The following TFCP2 variants were observed in gnomAD, a reference collection of about 807,000 sequenced individuals.
TFCP2 encodes the protein transcription factor CP2.
In TFCP2, 33 loss-of-function variants were observed where a neutral mutation model predicts 73.4. The ratio of observed to expected loss-of-function variants is 0.45; its 90% CI spans 0.34 to 0.60. The LOEUF is 0.60. Among genes scored for constraint, TFCP2 ranks in the 20% least tolerant of loss-of-function variants. TFCP2 has a pLI of 0.01. For synonymous variants in TFCP2, 193 were observed against 211.6 expected, an observed-to-expected ratio of 0.91 and a Z score of 0.76; for missense variants, 352 against 604.0, an observed-to-expected ratio of 0.58 and a Z score of 4.37.
chr12:51,111,778 T>C (rs1371772527), intron 4 of TFCP2, among the ~76,000 whole-genome samples: 2 of 151,648 alleles, frequency 1.3e-5, no homozygotes, highest in Non-Finnish European at 2.9e-5. Context: ...TGCTTGAACC[T>C]GGGAGGTGGA....
intron 2 of TFCP2, 96 bp from the exon 3 acceptor site, chr12:51,117,843 T>C: frequency 2.8e-6 from 2 of 719,226 alleles, no homozygotes; most frequent in South Asian, 3.7e-5. Context: ...TACAACAGTA[T>C]AATAATATTA....
At chr12:51,109,603 T>C (rs548317996) in intron 5 of TFCP2, among the ~76,000 whole-genome samples, 9 of 152,274 alleles carry the variant, frequency 5.9e-5, no homozygotes, top group Middle Eastern at 3.4e-3. Flanking sequence ...TTAAGGAAGA[T>C]TGTAGAAAGA....
At chr12:51,138,739 A>G (rs1415667496) in intron 1 of TFCP2, among the ~76,000 whole-genome samples, 1 of 152,034 alleles carries the variant, frequency 6.6e-6, no homozygotes, top group East Asian at 1.9e-4. Flanking sequence ...CCCGGGTCCA[A>G]GCGATTCTCC....
intron 1 of TFCP2, among the ~76,000 whole-genome samples, chr12:51,119,157 G>A (rs1940600655): frequency 6.6e-6 from 1 of 152,048 alleles, no homozygotes; most frequent in African/African-American, 2.4e-5. Context: ...TTTACTATAA[G>A]GACTAAAATA....
Position 51,103,653 on chromosome 12 carries a change from GAAAAAGAAAATTT to G in TFCP2, c.1060+4_1060+16del. Reference sequence around the variant, plus strand: ...AAATTTCATGCTAGGGAAAACAAAAGAAAAAGAAAATTTAACCTGAGAAGTTTGTGAAAAGCCT... The same window carrying G: ...AAATTTCATGCTAGGGAAAACAAAAGAACCTGAGAAGTTTGTGAAAAGCCT... On this transcript the variant is annotated splice_donor_5th_base_variant and intron_variant, in intron 10 of 14. Coordinates refer to ENST00000257915, the MANE Select transcript of TFCP2 (RefSeq NM_005653.5). The G allele has an allele frequency of 6.2e-7, 1 of 1,606,618 alleles. No individual in the cohort carries two copies. The highest frequency in any genetic ancestry group is 1.1e-5 in the South Asian group (1 of 90,004).
intron 8 of TFCP2, among the ~76,000 whole-genome samples, chr12:51,104,805 G>A (rs891454970): frequency 2.0e-5 from 3 of 150,828 alleles, no homozygotes; most frequent in South Asian, 2.1e-4. Flanking sequence ...TCTGCCTCCC[G>A]GGTTCATGCC....
intron 1 of TFCP2, among the ~76,000 whole-genome samples, chr12:51,141,228 G>A (rs575305424): frequency 3.3e-5 from 5 of 151,136 alleles, no homozygotes; most frequent in Non-Finnish European, 7.4e-5. Flanking sequence ...AGGGGGAAGT[G>A]GGGGAAGAAC....
chr12:51,100,544 G>A (rs375759890), intron 11 of TFCP2, among the ~76,000 whole-genome samples: 2 of 152,162 alleles, frequency 1.3e-5, no homozygotes, highest in African/African-American at 2.4e-5. Context: ...GACCAGGCAC[G>A]GTGGCTCACA....
intron 11 of TFCP2, among the ~76,000 whole-genome samples, chr12:51,100,558 G>A (rs1453351117): frequency 6.6e-6 from 1 of 152,212 alleles, no homozygotes; most frequent in Non-Finnish European, 1.5e-5. Flanking sequence ...GCTCACATCT[G>A]TAATCCCAGC....
intron 1 of TFCP2, among the ~76,000 whole-genome samples, chr12:51,154,193 T>A (rs1290687738): frequency 2.6e-5 from 4 of 152,198 alleles, no homozygotes; most frequent in African/African-American, 9.6e-5. Context: ...CTGCTTTCAA[T>A]TATTTTGAGT....
At chr12:51,147,432 T>C (rs192491485) in intron 1 of TFCP2, among the ~76,000 whole-genome samples, 51 of 152,258 alleles carry the variant, frequency 3.3e-4, no homozygotes, top group African/African-American at 1.2e-3. Flanking sequence ...GTTTATTCTG[T>C]TAGGTTCTAC....
rs537690672 is a variant in TFCP2 at position 51,125,041 on chromosome 12, C to T, written c.123-6269G>A. The T allele has an allele frequency of 1.1e-3, 801 of 743,788 alleles. 5 individuals carry two copies. Among genetic ancestry groups the T allele is most frequent in the South Asian group, 4.7e-3 (336 of 71,632 alleles). 46.1% of individuals were successfully genotyped at this position (743,788 alleles called of 1,614,324 possible). A position where few individuals can be genotyped will look rare whatever the true frequency, so the allele number is the denominator to read the frequency against. ...CGAGCCACCACTGACTTGAGGATCT[C>T]GGTCGTGATGTACGTCAGCACAGGC... is the stretch of plus-strand genomic sequence containing the variant. On this transcript the variant is annotated intron_variant, in intron 1 of 14. Transcript: ENST00000257915.
intron 1 of TFCP2, among the ~76,000 whole-genome samples, chr12:51,159,253 A>G (rs562339717): frequency 3.9e-5 from 6 of 152,128 alleles, no homozygotes; most frequent in Admixed American, 2.6e-4. Context: ...GGGAATTTGC[A>G]ACAAAGTGGT....
chr12:51,119,993 A>G (rs1195254434), intron 1 of TFCP2, among the ~76,000 whole-genome samples: 1 of 151,738 alleles, frequency 6.6e-6, no homozygotes, highest in Non-Finnish European at 1.5e-5. Context: ...AGCCTGGCCA[A>G]CATGGTGAAA....
At chr12:51,152,807 C>T (rs953161767) in intron 1 of TFCP2, among the ~76,000 whole-genome samples, 17 of 152,196 alleles carry the variant, frequency 1.1e-4, no homozygotes, top group African/African-American at 3.9e-4. Flanking sequence ...ATAAAATACA[C>T]ATAACAAAAT....
intron 1 of TFCP2, chr12:51,162,939 AT>A (rs1384484495): frequency 2.0e-5 from 3 of 152,196 alleles, no homozygotes; most frequent in Non-Finnish European, 4.4e-5. Flanking sequence ...AGTTGGAATG[AT>A]TCAGAGAAGA....
intron 1 of TFCP2, among the ~76,000 whole-genome samples, chr12:51,152,663 G>A (rs1274268281): frequency 6.6e-6 from 1 of 152,190 alleles, no homozygotes; most frequent in Non-Finnish European, 1.5e-5. Flanking sequence ...CTGAGAAAGA[G>A]AAGGATAAAG....
At chr12:51,143,439 T>C (rs538090928) in intron 1 of TFCP2, among the ~76,000 whole-genome samples, 47 of 151,242 alleles carry the variant, frequency 3.1e-4, no homozygotes, top group African/African-American at 1.0e-3. Flanking sequence ...TACATTTTTA[T>C]CTATAAAATA....
intron 8 of TFCP2, among the ~76,000 whole-genome samples, chr12:51,104,760 G>A (rs1303702500): frequency 1.3e-5 from 2 of 150,818 alleles, no homozygotes; most frequent in Non-Finnish European, 2.9e-5. Flanking sequence ...TGCCCAGGCC[G>A]GAGTGCAGCG....
Sources: gnomAD v4.1 joint callset for allele counts (sites outside exome capture counted in the v4.1 genomes callset) on GRCh38, gnomAD v4.1.1 for gene constraint, MANE v1.5 for transcripts, NCBI Gene and HGNC (gene_info 2026-07-23, HGNC 2026-07-21) for gene names.